PNKD: variants seen among roughly 807,000 people sequenced by gnomAD.
The protein encoded by PNKD is PNKD metallo-beta-lactamase domain containing.
Under a neutral mutation model 45.3 loss-of-function variants are expected in PNKD, and 36 were observed. That is an observed-to-expected ratio of 0.80 (90% CI 0.61 to 1.05). The LOEUF is 1.05. Among genes scored for constraint, PNKD ranks in the 50% least tolerant of loss-of-function variants. The pLI, the probability that PNKD is intolerant of heterozygous loss-of-function variation, is 0.00. For synonymous variants in PNKD, 197 were observed against 210.1 expected, an observed-to-expected ratio of 0.94 and a Z score of 0.54; for missense variants, 511 against 506.6, an observed-to-expected ratio of 1.01 and a Z score of -0.08.
At chr2:218,279,908 G>T in intron 2 of PNKD, 1 of 782,260 alleles carries the variant, frequency 1.3e-6, no homozygotes, top group East Asian at 2.5e-5. Context: ...GGCTAGAGAA[G>T]ACAGGCAGCC....
At position 218,344,558 on chromosome 2, in the gene PNKD, G is replaced by T; in HGVS notation, c.972G>T (p.Glu324Asp). The T allele has an allele frequency of 6.3e-7, 1 of 1,588,764 alleles. No individual in the cohort carries two copies. ...AGTGGGTGCAGCGGCAGCGGCTGGAGCGCAAGGGCACGGTGAGGGACTCGG... is the reference window on the plus strand; with the variant it reads ...AGTGGGTGCAGCGGCAGCGGCTGGATCGCAAGGGCACGGTGAGGGACTCGG... Reference protein sequence around the residue: ...KMQWVQRQRLERKGTCPSTLG... With the variant: ...KMQWVQRQRLDRKGTCPSTLG... Residue 324 changes from glutamate to aspartate, a missense_variant, in exon 9 of 10, where the codon GAG becomes GAT. Transcript: ENST00000273077.
intron 2 of PNKD, chr2:218,289,930 A>G (rs1692825548): frequency 6.6e-6 from 1 of 152,168 alleles, no homozygotes; most frequent in African/African-American, 2.4e-5. Context: ...ATAACACTCT[A>G]GGAAAGAAAG....
chr2:218,315,057 T>TCTTTCTTTCTTTTCTTCCTTCCTTCCTTC (rs61429059), intron 2 of PNKD, among the ~76,000 whole-genome samples: 1 of 55,544 alleles, frequency 1.8e-5, no homozygotes, highest in Admixed American at 2.4e-4. Flanking sequence ...TTTCTTTCTT[T>TCTTTCTTTCTTTTCTTCCTTCCTTCCTTC]CTTCCTTCCT....
intron 2 of PNKD, among the ~76,000 whole-genome samples, chr2:218,309,202 C>T (rs771259077): frequency 1.3e-5 from 2 of 151,788 alleles, no homozygotes; most frequent in South Asian, 2.1e-4. Flanking sequence ...GTTTCACAGC[C>T]GGGTGTGGTG....
chr2:218,300,765 G>C (rs1234560037), intron 2 of PNKD, among the ~76,000 whole-genome samples: 1 of 151,248 alleles, frequency 6.6e-6, no homozygotes, highest in Non-Finnish European at 1.5e-5. Context: ...GGCTGGTCTC[G>C]AACTCCTGAC....
At chr2:218,324,379 C>T (rs1032836416) in intron 2 of PNKD, among the ~76,000 whole-genome samples, 1 of 152,240 alleles carries the variant, frequency 6.6e-6, no homozygotes, top group African/African-American at 2.4e-5. Context: ...TCCGAGCAGA[C>T]ATTGTGCAAT....
At chr2:218,338,214 A>G (rs138041826) in intron 2 of PNKD, among the ~76,000 whole-genome samples, 2,612 of 152,158 alleles carry the variant, frequency 0.017, 71 homozygotes, top group African/African-American at 0.059. Flanking sequence ...TAATCCCAGC[A>G]CTTTGAAAGG....
At chr2:218,301,703 C>CT (rs1432742836) in intron 2 of PNKD, among the ~76,000 whole-genome samples, 1 of 152,136 alleles carries the variant, frequency 6.6e-6, no homozygotes, top group Non-Finnish European at 1.5e-5. Context: ...GGGAGGTTGG[C>CT]TTGACCCCAG....
chr2:218,342,545 C>T (rs994390989), intron 7 of PNKD, among the ~76,000 whole-genome samples: 3 of 151,620 alleles, frequency 2.0e-5, no homozygotes, highest in African/African-American at 7.3e-5. Context: ...ACTAAAAATA[C>T]AGAAATTAGC....
intron 2 of PNKD, among the ~76,000 whole-genome samples, chr2:218,328,174 C>T (rs958857693): frequency 8.5e-5 from 13 of 152,160 alleles, no homozygotes; most frequent in Non-Finnish European, 1.8e-4. Context: ...GGCCTCTCCA[C>T]GGTGCTTCAG....
chr2:218,279,220 C>T, intron 2 of PNKD: 1 of 1,560,004 alleles, frequency 6.4e-7, no homozygotes, highest in African/African-American at 1.4e-5. Context: ...CCACCGCCAC[C>T]CACACCCCCA....
intron 2 of PNKD, among the ~76,000 whole-genome samples, chr2:218,307,628 T>G (rs1179418602): frequency 6.6e-6 from 1 of 152,178 alleles, no homozygotes; most frequent in Non-Finnish European, 1.5e-5. Flanking sequence ...CTGTGTGGCC[T>G]GGCTCCTAAC....
At chr2:218,331,469 A>T (rs1445284217) in intron 2 of PNKD, among the ~76,000 whole-genome samples, 1 of 150,768 alleles carries the variant, frequency 6.6e-6, no homozygotes, top group Non-Finnish European at 1.5e-5. Flanking sequence ...TTTTATTTTT[A>T]TTTATTTATT....
chr2:218,339,978 C>A, intron 3 of PNKD, 51 bp from the exon 4 acceptor site: 1 of 1,467,610 alleles, frequency 6.8e-7, no homozygotes, highest in Non-Finnish European at 9.5e-7. Flanking sequence ...CATACCCCAG[C>A]CCCTGGGCTC....
chr2:218,277,029 G>C, intron 2 of PNKD: 1 of 1,614,146 alleles, frequency 6.2e-7, no homozygotes, highest in East Asian at 2.2e-5. Flanking sequence ...CACAATGCTA[G>C]TGACAATCCC....
At chr2:218,301,804 C>T (rs959536713) in intron 2 of PNKD, among the ~76,000 whole-genome samples, 1 of 151,780 alleles carries the variant, frequency 6.6e-6, no homozygotes, top group Non-Finnish European at 1.5e-5. Context: ...CAAACAAAAA[C>T]GGGAGAAAAG....
At chr2:218,299,517 T>G (rs1693221209) in intron 2 of PNKD, among the ~76,000 whole-genome samples, 1 of 152,106 alleles carries the variant, frequency 6.6e-6, no homozygotes, top group Non-Finnish European at 1.5e-5. Flanking sequence ...CAGTCATGGC[T>G]CTCTGCAGCC....
rs115387499 is a variant in PNKD, at chr2:218,274,067, G to A, written c.236+2518G>A. 5.4e-3 allele frequency: 829 copies of A among 154,784 alleles called. 9 individuals carry two copies. The highest frequency in any genetic ancestry group is 0.018 in the African/African-American group (733 of 41,588). 9.6% of individuals were successfully genotyped at this position (154,784 alleles called of 1,614,324 possible). On this transcript the variant is annotated intron_variant, in intron 2 of 9. Transcript: ENST00000273077. Reference sequence around the variant, plus strand: ...GAGCCTTCACTAGTCTATTGCATCCGTCCCCGGAAACTGCTGCAGTAAAGT... The same window carrying A: ...GAGCCTTCACTAGTCTATTGCATCCATCCCCGGAAACTGCTGCAGTAAAGT...
rs747095723 is a variant in PNKD at position 218,280,170 on chromosome 2, G to T, written c.236+8621G>T. The T allele has an allele frequency of 2.1e-6, 3 of 1,427,862 alleles. No individual in the cohort carries two copies. The South Asian group carries it at 3.4e-5, about 16-fold the overall frequency. 88.4% of individuals were successfully genotyped at this position (1,427,862 alleles called of 1,614,324 possible). On this transcript the variant is annotated intron_variant, in intron 2 of 9. Transcript: ENST00000273077. Reference sequence around the variant, plus strand: ...TGACTCAGCTGGGGACCTGAGACATGTGGCGTCAATCCCAAAGCCTCCCTG... The same window carrying T: ...TGACTCAGCTGGGGACCTGAGACATTTGGCGTCAATCCCAAAGCCTCCCTG...
Sources: allele counts gnomAD v4.1 joint callset (sites outside exome capture counted in the v4.1 genomes callset), GRCh38; gene constraint gnomAD v4.1.1; transcripts MANE v1.5; gene names NCBI Gene and HGNC (gene_info 2026-07-23, HGNC 2026-07-21).